DPYSL2: variants seen among roughly 807,000 people sequenced by gnomAD.
DPYSL2 encodes dihydropyrimidinase like 2.
A neutral mutation model predicts 69.9 loss-of-function variants in DPYSL2; 13 were observed. The ratio of observed to expected loss-of-function variants is 0.19; its 90% confidence interval spans 0.12 to 0.30. The LOEUF (loss-of-function observed/expected upper bound fraction) is 0.30. Ranked by LOEUF, DPYSL2 falls within the 10% of genes least tolerant of loss-of-function variation. The pLI, the probability that DPYSL2 is intolerant of heterozygous loss-of-function variation, is 1.00. For missense variants in DPYSL2, 587 were observed against 918.9 expected (o/e 0.64, Z 4.67); for synonymous variants, 326 against 359.1 (o/e 0.91, Z 1.04).
Position 26,564,127 on chromosome 8 carries a change from C to G in DPYSL2, c.355-17842C>G, listed in dbSNP as rs534515165. ...AGGTAGAGGCAATAATGTTAAGTAT[C>G]ACAATGAGCTCAGTTAAAATAAAGA... is the stretch of plus-strand genomic sequence containing the variant. On this transcript the variant is annotated intron_variant, in intron 1 of 13. Transcript: ENST00000521913. This position sits in a 1 kb window ranked among gnomAD's most constrained non-coding sequence, Gnocchi z 4.8. Among the ~76,000 whole-genome samples the G allele has an allele frequency of 6.6e-6, 1 of 152,172 alleles. No homozygotes were observed. The highest frequency in any genetic ancestry group is 2.4e-5 in the African/African-American group (1 of 41,444).
intron 1 of DPYSL2, among the ~76,000 whole-genome samples, chr8:26,537,883 G>A (rs1024431593): frequency 3.3e-5 from 5 of 152,104 alleles, no homozygotes; most frequent in Non-Finnish European, 7.3e-5. Flanking sequence ...TCATTTACTT[G>A]TCGTGTATTT....
chr8:26,636,892 C>G (rs1045741697), intron 8 of DPYSL2, among the ~76,000 whole-genome samples: 3 of 152,164 alleles, frequency 2.0e-5, no homozygotes, highest in Admixed American at 1.3e-4. Context: ...AGGCGCCCCC[C>G]CATCACACCC....
chr8:26,546,033 CATTTTGATTGGG>C (rs1256401758), intron 1 of DPYSL2, among the ~76,000 whole-genome samples: 4 of 152,154 alleles, frequency 2.6e-5, no homozygotes, highest in African/African-American at 9.7e-5. Context: ...AATTTGCTGG[CATTTTGATTGGG>C]ATTTTGATTG....
At chr8:26,556,653 A>T (rs951184427) in intron 1 of DPYSL2, among the ~76,000 whole-genome samples, 6 of 151,982 alleles carry the variant, frequency 3.9e-5, no homozygotes, top group African/African-American at 1.4e-4. Flanking sequence ...GTGTTCATAG[A>T]TAGATGGATT....
intron 3 of DPYSL2, among the ~76,000 whole-genome samples, chr8:26,608,033 C>A (rs1013589534): frequency 6.7e-6 from 1 of 148,454 alleles, no homozygotes; most frequent in Non-Finnish European, 1.5e-5. Flanking sequence ...GCCTAGATCA[C>A]GCCACTGCAC....
At chr8:26,616,964 C>T (rs536035101) in intron 3 of DPYSL2, among the ~76,000 whole-genome samples, 4 of 152,200 alleles carry the variant, frequency 2.6e-5, no homozygotes, top group Admixed American at 6.5e-5. Flanking sequence ...GCTCCACGTG[C>T]GTAACCCCCA....
Position 26,546,563 on chromosome 8 carries a change from AT to A in DPYSL2, c.354+31886del, listed in dbSNP as rs375984988. 7.7e-3 allele frequency among the ~76,000 whole-genome samples: 1,167 copies of A among 152,270 alleles called. 8 individuals carry two copies. The highest frequency in any genetic ancestry group is 9.8e-3 in the Non-Finnish European group (666 of 68,030). ...GTAACATAAATGTTACATAATTGGG[AT>A]TCAGTGAGAAAGCTTCTAGTTTCTT... On this transcript the variant is annotated intron_variant, in intron 1 of 13. Coordinates refer to ENST00000521913, the MANE Select transcript of DPYSL2 (RefSeq NM_001197293.3).
rs187707564 is a variant in DPYSL2, at chr8:26,624,629, T to A, written c.793+322T>A. 1.3e-3 allele frequency among the ~76,000 whole-genome samples: 202 copies of A among 152,234 alleles called. No homozygotes were observed. The highest frequency in any genetic ancestry group is 4.6e-3 in the African/African-American group (192 of 41,530). On this transcript the variant is annotated intron_variant, in intron 4 of 13. Coordinates refer to ENST00000521913, the MANE Select transcript of DPYSL2 (RefSeq NM_001197293.3). The surrounding 1 kb of genome is among the most constrained non-coding windows in gnomAD (Gnocchi z 4.7). ...AGCCAGGGTGGGGAGTTGAGGCTGC[T>A]GAGAGAGAGATTTACCCTCAAAAGA...
At chr8:26,578,176 A>C (rs1801403457) in intron 1 of DPYSL2, 1 of 1,603,364 alleles carries the variant, frequency 6.2e-7, no homozygotes. Flanking sequence ...AAAACAAAAC[A>C]AAAAAAACCC....
chr8:26,577,082 G>C, intron 1 of DPYSL2: 1 of 433,864 alleles, frequency 2.3e-6, no homozygotes, highest in Middle Eastern at 3.4e-4. Flanking sequence ...GTTTCAGGGC[G>C]GGGTTTCCCA....
chr8:26,518,572 G>A (rs1808331656), intron 1 of DPYSL2, among the ~76,000 whole-genome samples: 1 of 152,152 alleles, frequency 6.6e-6, no homozygotes, highest in African/African-American at 2.4e-5. Context: ...CCCCAAAGCT[G>A]AAGTTCTGTA....
At chr8:26,655,031 A>G (rs1803352423) in intron 13 of DPYSL2, among the ~76,000 whole-genome samples, 1 of 149,826 alleles carries the variant, frequency 6.7e-6, no homozygotes, top group Non-Finnish European at 1.5e-5. Context: ...TTTTTTTTGT[A>G]GAGATAGGCT....
Position 26,591,904 on chromosome 8 carries a change from C to T in DPYSL2, c.628+7921C>T, listed in dbSNP as rs1347300395. On this transcript the variant is annotated intron_variant, in intron 3 of 13. Transcript: ENST00000521913. This position sits in a 1 kb window ranked among gnomAD's most constrained non-coding sequence, Gnocchi z 5.8. ...AATGCGATTGGTCCTGGTGTAGCCT[C>T]CGTGTTGAGTTGTAGGGGAAAGGGT... is the stretch of plus-strand genomic sequence containing the variant. Among the ~76,000 whole-genome samples the T allele has an allele frequency of 6.6e-6, 1 of 152,058 alleles. No individual in the cohort carries two copies. Among genetic ancestry groups the T allele is most frequent in the Non-Finnish European group, 1.5e-5 (1 of 68,032 alleles).
intron 1 of DPYSL2, chr8:26,578,264 CA>C: frequency 6.2e-7 from 1 of 1,614,112 alleles, no homozygotes; most frequent in Non-Finnish European, 8.5e-7. Flanking sequence ...GATGTCTTAT[CA>C]GGGGAAGAAA....
intron 1 of DPYSL2, among the ~76,000 whole-genome samples, chr8:26,579,263 A>G (rs1256983632): frequency 1.3e-5 from 2 of 152,244 alleles, no homozygotes; most frequent in African/African-American, 4.8e-5. Flanking sequence ...TGTGCCGTGA[A>G]TTAGCGATGC....
chr8:26,580,008 G>C lies in DPYSL2; in HGVS notation c.355-1961G>C, dbSNP rs999854762. On this transcript the variant is annotated intron_variant, in intron 1 of 13. Transcript: ENST00000521913. This position sits in a 1 kb window ranked among gnomAD's most constrained non-coding sequence, Gnocchi z 4.1. ...TGGTTGCATTATCATAGGACCTATA[G>C]CATGGTATTCCTCCCTCCCTCACCA... Among the ~76,000 whole-genome samples the C allele has an allele frequency of 7.0e-6, 1 of 142,430 alleles. No individual in the cohort carries two copies. Among genetic ancestry groups the C allele is most frequent in the South Asian group, 2.2e-4 (1 of 4,484 alleles). The allele number at this position is 142,430 out of a possible 152,430, so 93.4% of individuals were successfully genotyped here.
chr8:26,604,496 A>G (rs1585539907), intron 3 of DPYSL2, among the ~76,000 whole-genome samples: 1 of 152,090 alleles, frequency 6.6e-6, no homozygotes, highest in Non-Finnish European at 1.5e-5. Context: ...ATGGGTGAGA[A>G]CCTGCCTGCC....
At chr8:26,561,584 G>A (rs929761298) in intron 1 of DPYSL2, among the ~76,000 whole-genome samples, 3 of 150,394 alleles carry the variant, frequency 2.0e-5, no homozygotes, top group Admixed American at 6.6e-5. Flanking sequence ...CTACTCACTT[G>A]GTCTTTCTTA....
chr8:26,643,252 G>A lies in DPYSL2; in HGVS notation c.1127-187G>A. 2 of 557,270 alleles carry A rather than the reference G, an allele frequency of 3.6e-6. No homozygotes were observed. Among genetic ancestry groups the A allele is most frequent in the Non-Finnish European group, 3.0e-6 (1 of 333,794 alleles). 34.5% of individuals were successfully genotyped at this position (557,270 alleles called of 1,614,324 possible). ...GAAGGTGGAATCTTGGGGAGCTCAT[G>A]ACAGGCTGGCAGAGGTACTGAATTT... On this transcript the variant is annotated intron_variant, in intron 8 of 13. Transcript: ENST00000521913. This position sits in a 1 kb window ranked among gnomAD's most constrained non-coding sequence, Gnocchi z 6.5.
Sources: allele counts gnomAD v4.1 joint callset (sites outside exome capture counted in the v4.1 genomes callset), GRCh38; gene constraint gnomAD v4.1.1; non-coding constraint Gnocchi (gnomAD v3.1); transcripts MANE v1.5; gene names NCBI Gene and HGNC (gene_info 2026-07-23, HGNC 2026-07-21).